The following SUSD4 variants were observed in gnomAD, a reference collection of about 807,000 sequenced individuals.
The protein encoded by SUSD4 is sushi domain-containing protein 4.
Under a neutral mutation model 50.5 loss-of-function variants are expected in SUSD4, and 41 were observed. That is an observed-to-expected ratio of 0.81 (90% CI 0.63 to 1.05). The LOEUF (loss-of-function observed/expected upper bound fraction) is 1.05, where lower values mean the gene tolerates loss of function less well. SUSD4 is among the 50% of genes least tolerant of loss of function. The probability of loss-of-function intolerance (pLI) is 0.00; values close to 1 mark genes in which losing one functional copy is unlikely to be tolerated. For missense variants in SUSD4, 580 were observed against 634.7 expected (o/e 0.91, Z 0.93); for synonymous variants, 257 against 257.3 (o/e 1.00, Z 0.01).
chr1:223,282,185 G>C (rs959925143), intron 3 of SUSD4, among the ~76,000 whole-genome samples: 2 of 152,190 alleles, frequency 1.3e-5, no homozygotes, highest in African/African-American at 4.8e-5. Flanking sequence ...GCACAAGACA[G>C]GGATGCCCTC....
chr1:223,343,593 A>G (rs771446024), intron 2 of SUSD4, among the ~76,000 whole-genome samples: 1 of 152,246 alleles, frequency 6.6e-6, no homozygotes, highest in Non-Finnish European at 1.5e-5. Context: ...AACAATGTCT[A>G]TATACTATTT....
At chr1:223,266,571 C>T (rs562657066) in intron 4 of SUSD4, among the ~76,000 whole-genome samples, 2 of 152,304 alleles carry the variant, frequency 1.3e-5, no homozygotes, top group African/African-American at 2.4e-5. Flanking sequence ...ATAATTCATG[C>T]AGTTAATCAC....
chr1:223,315,057 C>T (rs1252418076), intron 2 of SUSD4, among the ~76,000 whole-genome samples: 1 of 152,220 alleles, frequency 6.6e-6, no homozygotes, highest in East Asian at 1.9e-4. Context: ...CTATAACCAC[C>T]TTTGCAAAAT....
chr1:223,279,447 C>G (rs920202095), intron 3 of SUSD4, among the ~76,000 whole-genome samples: 15 of 152,076 alleles, frequency 9.9e-5, no homozygotes, highest in Admixed American at 3.9e-4. Flanking sequence ...GTAGCCGATT[C>G]GATCAACTGG....
chr1:223,314,583 A>G (rs1479835499), intron 2 of SUSD4, among the ~76,000 whole-genome samples: 1 of 152,048 alleles, frequency 6.6e-6, no homozygotes, highest in African/African-American at 2.4e-5. Context: ...TAATTCCCAC[A>G]TGTTATGGGA....
At chr1:223,333,298 GC>G (rs373647154) in intron 2 of SUSD4, among the ~76,000 whole-genome samples, 158 of 152,142 alleles carry the variant, frequency 1.0e-3, no homozygotes, top group African/African-American at 3.2e-3. Context: ...ACCTCTCTCT[GC>G]CTACGTTTCC....
At chr1:223,296,014 G>T (rs1430410710) in intron 2 of SUSD4, among the ~76,000 whole-genome samples, 1 of 151,620 alleles carries the variant, frequency 6.6e-6, no homozygotes, top group South Asian at 2.1e-4. Context: ...CAGGATCATT[G>T]GGCACCTTTA....
intron 2 of SUSD4, among the ~76,000 whole-genome samples, chr1:223,342,789 G>C (rs192911767): frequency 1.2e-4 from 18 of 152,196 alleles, no homozygotes; most frequent in Non-Finnish European, 1.5e-5. Context: ...AAAAATACAG[G>C]TGACTATGTA....
intron 5 of SUSD4, chr1:223,235,196 A>G (rs906611800): frequency 3.7e-6 from 5 of 1,338,364 alleles, no homozygotes; most frequent in Non-Finnish European, 4.0e-6. Context: ...AAAAAAATAA[A>G]GACTTTATTT....
At position 223,287,273 on chromosome 1, in the gene SUSD4, C is replaced by T. The variant is rs115069120; in HGVS notation, c.361+5166G>A. ...TGTATTTTTAGTAAAGACAAGGTTC[C>T]GCCATGCTGGCCAGGCTGGTCTCGA... On this transcript the variant is annotated intron_variant, in intron 3 of 8. Transcript: ENST00000366878. Among the ~76,000 whole-genome samples, 996 of 152,284 alleles carry T rather than the reference C, an allele frequency of 6.5e-3. 44 individuals are homozygous for T. The East Asian group carries it at 0.12, about 18-fold the overall frequency.
chr1:223,331,575 T>C (rs1053081798), intron 2 of SUSD4, among the ~76,000 whole-genome samples: 13 of 152,180 alleles, frequency 8.5e-5, no homozygotes, highest in Non-Finnish European at 1.6e-4. Flanking sequence ...TAAAAGCCCT[T>C]GGTTGATCTC....
At chr1:223,359,719 T>C (rs1032643228) in intron 2 of SUSD4, among the ~76,000 whole-genome samples, 1 of 152,198 alleles carries the variant, frequency 6.6e-6, no homozygotes, top group Non-Finnish European at 1.5e-5. Flanking sequence ...TGTGGTCTAG[T>C]AAATGAGGCA....
At chr1:223,278,786 C>T (rs1172979860) in intron 3 of SUSD4, among the ~76,000 whole-genome samples, 1 of 152,140 alleles carries the variant, frequency 6.6e-6, no homozygotes, top group Admixed American at 6.5e-5. Flanking sequence ...GGTCCCTGAC[C>T]CCCAAGTAGC....
chr1:223,356,822 A>G (rs914847161), intron 2 of SUSD4, among the ~76,000 whole-genome samples: 2 of 152,258 alleles, frequency 1.3e-5, no homozygotes, highest in African/African-American at 4.8e-5. Flanking sequence ...GGCAGAAAGC[A>G]AAAAAGAGAG....
intron 2 of SUSD4, among the ~76,000 whole-genome samples, chr1:223,313,012 G>C (rs1042159209): frequency 6.6e-6 from 1 of 152,220 alleles, no homozygotes; most frequent in African/African-American, 2.4e-5. Flanking sequence ...GGCTGGCCTT[G>C]TCCCTGCTTC....
Position 223,231,726 on chromosome 1 carries a change from G to A in SUSD4, c.725-2338C>T, listed in dbSNP as rs1659910436. On this transcript the variant is annotated intron_variant, in intron 5 of 8. Transcript: ENST00000366878. The surrounding 1 kb of genome is among the most constrained non-coding windows in gnomAD (Gnocchi z 4.2). ...CGTAAGGGCTCTTCTCTCCTTGGAGGCCCTCCTCCGTGCTGCTTCTCCTCT... is the reference window on the plus strand; with the variant it reads ...CGTAAGGGCTCTTCTCTCCTTGGAGACCCTCCTCCGTGCTGCTTCTCCTCT... 6.6e-6 allele frequency among the ~76,000 whole-genome samples: 1 copy of A among 152,182 alleles called. No homozygotes were observed. The highest frequency in any genetic ancestry group is 2.4e-5 in the African/African-American group (1 of 41,446).
intron 2 of SUSD4, among the ~76,000 whole-genome samples, chr1:223,362,216 T>G (rs934100157): frequency 1.3e-5 from 2 of 152,214 alleles, no homozygotes; most frequent in Non-Finnish European, 2.9e-5. Flanking sequence ...CCCAACTTAT[T>G]ACACCTCTCC....
intron 5 of SUSD4, among the ~76,000 whole-genome samples, chr1:223,241,567 G>A (rs914428549): frequency 1.3e-5 from 2 of 152,166 alleles, no homozygotes; most frequent in South Asian, 2.1e-4. Flanking sequence ...GATCCCTGAA[G>A]AGTTCTTGAT....
intron 2 of SUSD4, among the ~76,000 whole-genome samples, chr1:223,333,342 G>C (rs1667279479): frequency 1.3e-5 from 2 of 152,132 alleles, no homozygotes; most frequent in Admixed American, 6.5e-5. Flanking sequence ...AGCACCTCCT[G>C]AGAGCAACAG....
Sources: gnomAD v4.1 joint callset for allele counts (sites outside exome capture counted in the v4.1 genomes callset) on GRCh38, gnomAD v4.1.1 for gene constraint, Gnocchi (gnomAD v3.1) non-coding constraint, MANE v1.5 for transcripts, NCBI Gene and HGNC (gene_info 2026-07-23, HGNC 2026-07-21) for gene names.